SWT1: variants seen among roughly 807,000 people sequenced by gnomAD.
SWT1 encodes SWT1 RNA endoribonuclease homolog.
Under a neutral mutation model 107.3 loss-of-function variants are expected in SWT1, and 33 were observed. The ratio of observed to expected loss-of-function variants is 0.31; its 90% CI spans 0.23 to 0.41. SWT1 has a LOEUF of 0.41. SWT1 is among the 10% of genes least tolerant of loss of function. The pLI is 1.00. For synonymous variants in SWT1, 345 were observed against 348.3 expected (o/e 0.99, Z 0.11); for missense variants, 898 against 1,028.9 (o/e 0.87, Z 1.74).
In SWT1 at chr1:185,157,287, A is replaced by T. The variant is rs1158651234; in HGVS notation, c.-37A>T. 2.6e-5 allele frequency: 4 copies of T among 152,614 alleles called. No homozygotes were observed. Among genetic ancestry groups the T allele is most frequent in the African/African-American group, 9.7e-5 (4 of 41,346 alleles). The allele number at this position is 152,614 out of a possible 1,614,324, so 9.5% of individuals were successfully genotyped here. On this transcript the variant is annotated 5_prime_UTR_variant, in exon 1 of 19. Coordinates refer to ENST00000367500, the MANE Select transcript of SWT1 (RefSeq NM_017673.7). ...CCTCTCCTTTGGCTTGGGGCTCCGGAGTTGCCACTGCCGCCGGCGCTGGTA... is the reference window on the plus strand; with the variant it reads ...CCTCTCCTTTGGCTTGGGGCTCCGGTGTTGCCACTGCCGCCGGCGCTGGTA...
chr1:185,282,839 TGAGTG>T (rs1417186957), intron 18 of SWT1, among the ~76,000 whole-genome samples: 5 of 152,066 alleles, frequency 3.3e-5, no homozygotes, highest in Admixed American at 2.6e-4. Flanking sequence ...TCAGAATTGT[TGAGTG>T]GAGTATATGA....
intron 12 of SWT1, among the ~76,000 whole-genome samples, chr1:185,206,156 A>G (rs1215438175): frequency 6.6e-6 from 1 of 152,006 alleles, no homozygotes; most frequent in Non-Finnish European, 1.5e-5. Flanking sequence ...ATGGGGTTTC[A>G]CCATGTTGGC....
intron 14 of SWT1, among the ~76,000 whole-genome samples, chr1:185,218,519 C>T (rs1659396505): frequency 6.6e-6 from 1 of 152,060 alleles, no homozygotes; most frequent in Admixed American, 6.6e-5. Context: ...CTTTGTTGCC[C>T]AGGTTGGTCT....
intron 9 of SWT1, among the ~76,000 whole-genome samples, chr1:185,188,086 C>T (rs1281990955): frequency 6.6e-6 from 1 of 152,160 alleles, no homozygotes; most frequent in Non-Finnish European, 1.5e-5. Context: ...TTCATTTACT[C>T]CTCATGATTA....
intron 16 of SWT1, among the ~76,000 whole-genome samples, chr1:185,267,238 A>G (rs896861161): frequency 1.3e-5 from 2 of 152,216 alleles, no homozygotes; most frequent in African/African-American, 4.8e-5. Context: ...AACACTGTAG[A>G]TGCATTACTT....
chr1:185,273,724 T>G (rs1353581221), intron 17 of SWT1, among the ~76,000 whole-genome samples: 1 of 151,954 alleles, frequency 6.6e-6, no homozygotes, highest in African/African-American at 2.4e-5. Context: ...TAAATAAAAA[T>G]AAAAGAGCCT....
chr1:185,228,852 C>T (rs575891026), intron 15 of SWT1, among the ~76,000 whole-genome samples: 4 of 152,112 alleles, frequency 2.6e-5, no homozygotes, highest in South Asian at 4.2e-4. Flanking sequence ...ACAGGAAAAG[C>T]GTTTCAGATA....
chr1:185,251,395 C>T (rs1336439674), intron 16 of SWT1: 2 of 152,620 alleles, frequency 1.3e-5, no homozygotes, highest in South Asian at 2.1e-4. Flanking sequence ...ACTCCCACTG[C>T]TTCACTTTAG....
chr1:185,166,013 C>A (rs1571391404), intron 2 of SWT1, among the ~76,000 whole-genome samples: 1 of 152,238 alleles, frequency 6.6e-6, no homozygotes, highest in East Asian at 1.9e-4. Flanking sequence ...TACTGACTCC[C>A]AGCCCTTCCT....
intron 16 of SWT1, among the ~76,000 whole-genome samples, chr1:185,252,466 T>C (rs1662113671): frequency 1.3e-5 from 2 of 152,258 alleles, no homozygotes; most frequent in East Asian, 1.9e-4. Context: ...CTTTTAATGA[T>C]TGCCATTCTA....
chr1:185,277,378 TC>T (rs1558098262), intron 18 of SWT1, among the ~76,000 whole-genome samples: 1 of 152,162 alleles, frequency 6.6e-6, no homozygotes, highest in African/African-American at 2.4e-5. Context: ...AACCTCTGCC[TC>T]CCAGGTTCAA....
At chr1:185,245,283 G>A (rs185421022) in intron 16 of SWT1, among the ~76,000 whole-genome samples, 3 of 151,120 alleles carry the variant, frequency 2.0e-5, no homozygotes, top group East Asian at 2.0e-4. Context: ...ACTAATACAC[G>A]AAACATACAC....
intron 5 of SWT1, among the ~76,000 whole-genome samples, chr1:185,176,287 A>C (rs1203993133): frequency 1.8e-4 from 2 of 11,360 alleles, no homozygotes; most frequent in Non-Finnish European, 4.4e-4. Context: ...CCTTGTCTCC[A>C]AAAAAAAAAA....
At chr1:185,245,775 C>CT (rs950917055) in intron 16 of SWT1, among the ~76,000 whole-genome samples, 120 of 146,264 alleles carry the variant, frequency 8.2e-4, no homozygotes, top group African/African-American at 1.2e-3. Flanking sequence ...ACATTATAAT[C>CT]TTTTTTTTTT....
intron 11 of SWT1, among the ~76,000 whole-genome samples, chr1:185,204,492 T>A (rs1388206398): frequency 6.6e-6 from 1 of 152,110 alleles, no homozygotes. Flanking sequence ...ATAAAACATT[T>A]GTTAAAGTAA....
chr1:185,247,544 G>A (rs533466089), intron 16 of SWT1, among the ~76,000 whole-genome samples: 1 of 152,150 alleles, frequency 6.6e-6, no homozygotes, highest in African/African-American at 2.4e-5. Context: ...TCATATTTAT[G>A]TATCATAAAG....
intron 5 of SWT1, 135 bp downstream of exon 5, chr1:185,175,248 G>T: frequency 1.2e-6 from 1 of 803,058 alleles, no homozygotes; most frequent in Non-Finnish European, 1.8e-6. Flanking sequence ...TTTGAGACAG[G>T]GTCTCACTCC....
chr1:185,158,502 C>A (rs934031311), intron 1 of SWT1, among the ~76,000 whole-genome samples: 2 of 148,568 alleles, frequency 1.3e-5, no homozygotes, highest in African/African-American at 5.1e-5. Flanking sequence ...AATTCTTGTT[C>A]TCATTTCTTT....
At chr1:185,178,577 T>C (rs1655760735) in intron 5 of SWT1, among the ~76,000 whole-genome samples, 1 of 152,194 alleles carries the variant, frequency 6.6e-6, no homozygotes, top group Non-Finnish European at 1.5e-5. Flanking sequence ...GTTAAATGCA[T>C]TAACTTTTCT....
Sources: gnomAD v4.1 joint callset for allele counts (sites outside exome capture counted in the v4.1 genomes callset) on GRCh38, gnomAD v4.1.1 for gene constraint, MANE v1.5 for transcripts, NCBI Gene and HGNC (gene_info 2026-07-23, HGNC 2026-07-21) for gene names.